ARNT: variants seen among roughly 807,000 people sequenced by gnomAD.
ARNT encodes aryl hydrocarbon receptor nuclear translocator.
A neutral mutation model predicts 105.0 loss-of-function variants in ARNT; 30 were observed. That is an observed-to-expected ratio of 0.29 (90% CI 0.21 to 0.39). ARNT has a LOEUF of 0.39. Among genes scored for constraint, ARNT ranks in the 10% least tolerant of loss-of-function variants. ARNT has a pLI of 1.00. For synonymous variants in ARNT, 304 were observed against 344.0 expected (o/e 0.88, Z 1.29); for missense variants, 748 against 978.7 (o/e 0.76, Z 3.15).
At chr1:150,867,267 C>T (rs1030065583) in intron 1 of ARNT, among the ~76,000 whole-genome samples, 4 of 151,328 alleles carry the variant, frequency 2.6e-5, no homozygotes, top group African/African-American at 9.7e-5. Context: ...TCGTGTCATA[C>T]ACCTATAATC....
At chr1:150,836,189 C>T in intron 7 of ARNT, 91 bp downstream of exon 7, 1 of 1,315,374 alleles carries the variant, frequency 7.6e-7, no homozygotes, top group Non-Finnish European at 1.1e-6. Context: ...CCAGAGTCAA[C>T]AAACCAATTT....
chr1:150,841,682 AAAC>A (rs1450610876), intron 5 of ARNT, among the ~76,000 whole-genome samples: 1 of 152,232 alleles, frequency 6.6e-6, no homozygotes, highest in African/African-American at 2.4e-5. Flanking sequence ...TCTACATTAC[AAAC>A]AACAGTCTCC....
chr1:150,842,811 G>A (rs1227685073), intron 4 of ARNT, among the ~76,000 whole-genome samples: 1 of 152,194 alleles, frequency 6.6e-6, no homozygotes, highest in Non-Finnish European at 1.5e-5. Context: ...ATCGATCTCT[G>A]TAGGGACCAA....
At position 150,809,911 on chromosome 1, in the gene ARNT, G is replaced by A; in HGVS notation, c.*2110C>T. The A allele has an allele frequency of 4.5e-6, 1 of 223,292 alleles. No homozygotes were observed. Among genetic ancestry groups the A allele is most frequent in the Admixed American group, 5.7e-5 (1 of 17,430 alleles). 13.8% of individuals were successfully genotyped at this position (223,292 alleles called of 1,614,324 possible). A position where few individuals can be genotyped will look rare whatever the true frequency, so the allele number is the denominator to read the frequency against. On this transcript the variant is annotated 3_prime_UTR_variant, in exon 22 of 22. Transcript: ENST00000358595. Reference sequence around the variant, plus strand: ...GTGTCAGGATCAGGAGGACAAGTGAGGGGGGAGGCGTGCAATGTGATCAGA... The same window carrying A: ...GTGTCAGGATCAGGAGGACAAGTGAAGGGGGAGGCGTGCAATGTGATCAGA...
intron 6 of ARNT, among the ~76,000 whole-genome samples, chr1:150,837,044 C>T (rs1571307967): frequency 6.6e-6 from 1 of 151,742 alleles, no homozygotes; most frequent in Non-Finnish European, 1.5e-5. Flanking sequence ...CCAGCCTGAG[C>T]GACAGAGCAA....
intron 6 of ARNT, among the ~76,000 whole-genome samples, chr1:150,839,204 C>T (rs1015239421): frequency 3.9e-5 from 6 of 152,212 alleles, no homozygotes; most frequent in African/African-American, 1.4e-4. Flanking sequence ...ATCCTATATG[C>T]TATATTCATG....
Position 150,826,567 on chromosome 1 carries a change from C to G in ARNT, c.1218G>C (p.Gln406His), listed in dbSNP as rs755501847. ...IVEFCHPEDQ[Q>H]LLRDSFQQVV... ...CCTGTTGGAAGCTGTCTCTTAGAAG[C>G]TGCTGGTCTTCAGGATGACAGAATT... The change falls in exon 13 of 22, where the codon CAG (glutamine) becomes CAC (histidine). Residue 406 changes from glutamine to histidine, a missense_variant. By Grantham distance (24) the Gln-to-His change is conservative (BLOSUM62 0). Transcript: ENST00000358595. The G allele has an allele frequency of 6.2e-7, 1 of 1,613,156 alleles. No homozygotes were observed. Among genetic ancestry groups the G allele is most frequent in the African/African-American group, 1.3e-5 (1 of 74,898 alleles).
intron 14 of ARNT, among the ~76,000 whole-genome samples, chr1:150,820,521 T>C (rs587684504): frequency 2.3e-4 from 35 of 152,156 alleles, no homozygotes; most frequent in African/African-American, 8.2e-4. Context: ...GCCAGGCGTC[T>C]TGGTAGATGT....
Position 150,811,534 on chromosome 1 carries a change from C to A in ARNT, c.*487G>T. ...TGTTTCTTTCCAGAGGGACTGCTCACAGGCAGCAAAAAGAGCCTATGCTCA... is the reference window on the plus strand; with the variant it reads ...TGTTTCTTTCCAGAGGGACTGCTCAAAGGCAGCAAAAAGAGCCTATGCTCA... On this transcript the variant is annotated 3_prime_UTR_variant, in exon 22 of 22. Coordinates refer to ENST00000358595, the MANE Select transcript of ARNT (RefSeq NM_001668.4). 1 of 233,744 alleles carries A rather than the reference C, an allele frequency of 4.3e-6. No individual in the cohort carries two copies. Among genetic ancestry groups the A allele is most frequent in the East Asian group, 6.0e-5 (1 of 16,716 alleles). The allele number at this position is 233,744 out of a possible 1,614,324, so 14.5% of individuals were successfully genotyped here. A position where few individuals can be genotyped will look rare whatever the true frequency, so the allele number is the denominator to read the frequency against.
intron 2 of ARNT, among the ~76,000 whole-genome samples, chr1:150,856,663 T>C (rs1413494878): frequency 6.6e-6 from 1 of 151,974 alleles, no homozygotes; most frequent in Non-Finnish European, 1.5e-5. Context: ...CTTGGGAGGC[T>C]GAGGCAGGAG....
intron 1 of ARNT, among the ~76,000 whole-genome samples, chr1:150,865,286 A>C (rs1215177060): frequency 6.6e-6 from 1 of 152,230 alleles, no homozygotes; most frequent in African/African-American, 2.4e-5. Context: ...TTTTTACACA[A>C]GACATAAAAC....
rs770198524 is a variant in ARNT at position 150,868,760 on chromosome 1, C to T, written c.25+7783G>A. Among the ~76,000 whole-genome samples the T allele has an allele frequency of 4.7e-4, 71 of 152,024 alleles. 1 individual carries two copies. Among genetic ancestry groups the T allele is most frequent in the Admixed American group, 9.2e-4 (14 of 15,246 alleles). On this transcript the variant is annotated intron_variant, in intron 1 of 21. Transcript: ENST00000358595. ...ACTAAAAACACAAAAATTAGCCAGG[C>T]GCGGTGGCACGTGCCTGTAGTCCCA...
At chr1:150,868,736 C>T (rs186258250) in intron 1 of ARNT, among the ~76,000 whole-genome samples, 1 of 152,000 alleles carries the variant, frequency 6.6e-6, no homozygotes, top group East Asian at 1.9e-4. Context: ...CCCGTCTCTA[C>T]TAAAAACACA....
intron 19 of ARNT, 131 bp downstream of exon 19, chr1:150,816,128 G>A: frequency 8.5e-7 from 1 of 1,178,136 alleles, no homozygotes; most frequent in African/African-American, 1.6e-5. Context: ...CAACAAAGAT[G>A]GAAATTGGAA....
intron 2 of ARNT, among the ~76,000 whole-genome samples, chr1:150,856,441 A>G (rs1390586979): frequency 6.6e-6 from 1 of 151,902 alleles, no homozygotes; most frequent in Non-Finnish European, 1.5e-5. Context: ...CTCCATCTCA[A>G]AAAAATAAAA....
rs1252013102 is a variant in ARNT, at chr1:150,839,565, G to A, written c.362C>T (p.Ala121Val). The change falls in exon 6 of 22, where the codon GCC becomes GTC. Residue 121 changes from alanine (A) to valine (V), a missense_variant. Physicochemically the swap from Ala to Val is moderately conservative, Grantham distance 64. Transcript: ENST00000358595. The part of the protein sequence containing the change: ...ELSDMVPTCS[A>V]LARKPDKLTI... ...TAGCTTGTCTGGTTTTCGAGCCAGG[G>A]CACTACAGGTGGGTACCATATCTGA... 1 of 1,614,086 alleles carries A rather than the reference G, an allele frequency of 6.2e-7. No individual in the cohort carries two copies. Among genetic ancestry groups the A allele is most frequent in the Admixed American group, 1.7e-5 (1 of 59,992 alleles).
chr1:150,851,366 C>CAGCT (rs1244292039), intron 3 of ARNT, among the ~76,000 whole-genome samples: 1 of 152,162 alleles, frequency 6.6e-6, no homozygotes, highest in East Asian at 1.9e-4. Flanking sequence ...GTGTACCCAA[C>CAGCT]AGCTCATTGA....
chr1:150,868,933 A>T (rs1667033172), intron 1 of ARNT, among the ~76,000 whole-genome samples: 1 of 151,868 alleles, frequency 6.6e-6, no homozygotes, highest in Non-Finnish European at 1.5e-5. Context: ...AAAAAGGACC[A>T]GCCTGGGCAA....
chr1:150,858,793 T>C (rs1475598838), intron 1 of ARNT, among the ~76,000 whole-genome samples: 1 of 151,578 alleles, frequency 6.6e-6, no homozygotes, highest in Non-Finnish European at 1.5e-5. Flanking sequence ...AGTTAATTTT[T>C]TTTTTTTTTT....
Sources: allele counts gnomAD v4.1 joint callset (sites outside exome capture counted in the v4.1 genomes callset), GRCh38; gene constraint gnomAD v4.1.1; transcripts MANE v1.5; gene names NCBI Gene and HGNC (gene_info 2026-07-23, HGNC 2026-07-21).